Variants in OVCH1 observed in about 807,000 individuals in gnomAD.
OVCH1 encodes ovochymase-1.
OVCH1 carries 139 observed loss-of-function variants against 138.4 expected under a neutral mutation model. The ratio of observed to expected loss-of-function variants is 1.00; its 90% CI spans 0.87 to 1.16. The LOEUF is 1.16. OVCH1 is among the 50% of genes most tolerant of loss of function. The pLI is 0.00. For synonymous variants in OVCH1, 453 were observed against 467.8 expected (o/e 0.97, Z 0.41); for missense variants, 1,367 against 1,357.9 (o/e 1.01, Z -0.11).
chr12:29,435,930 T>A (rs1229687939), intron 26 of OVCH1, among the ~76,000 whole-genome samples: 1 of 152,190 alleles, frequency 6.6e-6, no homozygotes, highest in Non-Finnish European at 1.5e-5. Flanking sequence ...CTGGGAAAAA[T>A]TTAGAGAATT....
chr12:29,419,072 G>A (rs1941068688), intron 3 of OVCH1, among the ~76,000 whole-genome samples: 1 of 151,994 alleles, frequency 6.6e-6, no homozygotes, highest in African/African-American at 2.4e-5. Flanking sequence ...TGCCCAGGCT[G>A]ATCTCAAACT....
chr12:29,467,451 G>A (rs959439896), intron 16 of OVCH1, among the ~76,000 whole-genome samples: 2 of 152,048 alleles, frequency 1.3e-5, no homozygotes, highest in African/African-American at 4.8e-5. Flanking sequence ...CATAGCTCAA[G>A]GTATCAATTG....
chr12:29,438,440 G>A (rs1220997760), intron 26 of OVCH1, among the ~76,000 whole-genome samples: 1 of 148,004 alleles, frequency 6.8e-6, no homozygotes, highest in Non-Finnish European at 1.5e-5. Flanking sequence ...ATAAACTTCG[G>A]AGTTAATTTC....
At chr12:29,413,669 TACAC>T (rs3064302) in intron 3 of OVCH1, among the ~76,000 whole-genome samples, 144 of 150,918 alleles carry the variant, frequency 9.5e-4, no homozygotes, top group African/African-American at 3.4e-3. Flanking sequence ...ATTACACACA[TACAC>T]ACACACACAC....
At chr12:29,468,991 T>A (rs1268547259) in intron 16 of OVCH1, among the ~76,000 whole-genome samples, 1 of 152,008 alleles carries the variant, frequency 6.6e-6, no homozygotes, top group Non-Finnish European at 1.5e-5. Flanking sequence ...AGACCTAGAG[T>A]ATCTTGCAGT....
At chr12:29,481,441 G>C (rs952464706) in intron 8 of OVCH1, among the ~76,000 whole-genome samples, 3 of 151,996 alleles carry the variant, frequency 2.0e-5, no homozygotes, top group African/African-American at 7.2e-5. Flanking sequence ...CCTTACTTTA[G>C]TCCCTATAAA....
intron 14 of OVCH1, 48 bp from the exon 15 acceptor site, chr12:29,473,151 T>C: frequency 1.5e-6 from 2 of 1,342,596 alleles, no homozygotes; most frequent in Non-Finnish European, 2.1e-6. Flanking sequence ...GAAGTTGCAC[T>C]AACTGACCCC....
At chr12:29,438,074 CTTA>C (rs1174021268) in intron 26 of OVCH1, among the ~76,000 whole-genome samples, 4 of 152,104 alleles carry the variant, frequency 2.6e-5, no homozygotes, top group Admixed American at 6.6e-5. Flanking sequence ...TACACAGGAA[CTTA>C]TTAATTTGTT....
intron 3 of OVCH1, among the ~76,000 whole-genome samples, chr12:29,415,086 CT>C (rs1384887125): frequency 1.3e-5 from 2 of 152,140 alleles, no homozygotes; most frequent in African/African-American, 4.8e-5. Context: ...ATCTCTCACT[CT>C]TCCCAGTGGA....
At chr12:29,412,850 A>G (rs527695569) in intron 3 of OVCH1, 2 of 152,318 alleles carry the variant, frequency 1.3e-5, no homozygotes, top group South Asian at 4.2e-4. Flanking sequence ...ACTTAACAGT[A>G]ACCCCTACTC....
chr12:29,454,702 CTTTCAGCTA>C, intron 21 of OVCH1, 130 bp downstream of exon 21: 1 of 688,768 alleles, frequency 1.5e-6, no homozygotes, highest in Non-Finnish European at 2.4e-6. Flanking sequence ...ACTCTCCCCA[CTTTCAGCTA>C]AAACTACCAA....
At chr12:29,479,020 C>A in intron 8 of OVCH1, 52 bp from the exon 10 acceptor site, 1 of 638,628 alleles carries the variant, frequency 1.6e-6, no homozygotes, top group Non-Finnish European at 2.4e-6. Context: ...GTCAGATTTG[C>A]TAAATAAAAT....
chr12:29,491,915 C>T (rs1471525022), intron 4 of OVCH1, among the ~76,000 whole-genome samples: 2 of 152,126 alleles, frequency 1.3e-5, no homozygotes, highest in Non-Finnish European at 2.9e-5. Context: ...ACGTGGCAAG[C>T]ACTCTTTTAG....
At chr12:29,467,060 G>C (rs1942345178) in intron 16 of OVCH1, among the ~76,000 whole-genome samples, 1 of 152,038 alleles carries the variant, frequency 6.6e-6, no homozygotes, top group Non-Finnish European at 1.5e-5. Flanking sequence ...TTTATTAACG[G>C]AGCTAACTCA....
At chr12:29,409,777 A>G (rs1940928805), downstream of OVCH1, among the ~76,000 whole-genome samples, 1 of 152,148 alleles carries the variant, frequency 6.6e-6, no homozygotes, top group South Asian at 2.1e-4. Context: ...AAAAAAATGT[A>G]TATTCTGTTG....
At chr12:29,417,344 T>C (rs1941042739) in intron 3 of OVCH1, among the ~76,000 whole-genome samples, 1 of 151,240 alleles carries the variant, frequency 6.6e-6, no homozygotes, top group Admixed American at 6.6e-5. Flanking sequence ...GCACCTGTAG[T>C]CTCAGCTACT....
chr12:29,475,301 T>TG (rs1942667083), intron 13 of OVCH1, 112 bp from the exon 14 acceptor site: 7 of 771,508 alleles, frequency 9.1e-6, no homozygotes, highest in Non-Finnish European at 1.4e-5. Flanking sequence ...TCTCCAACTT[T>TG]GATTTGTATG....
intron 26 of OVCH1, among the ~76,000 whole-genome samples, chr12:29,435,809 C>G (rs1941348758): frequency 6.6e-6 from 1 of 152,134 alleles, no homozygotes; most frequent in South Asian, 2.1e-4. Context: ...TGTCATGAAG[C>G]TCCCTGTAAC....
chr12:29,429,149 T>C (rs1941227380), intron 27 of OVCH1, among the ~76,000 whole-genome samples: 2 of 152,196 alleles, frequency 1.3e-5, no homozygotes, highest in African/African-American at 4.8e-5. Flanking sequence ...ATCTATATTA[T>C]GAGTATAAAA....
Sources: allele counts gnomAD v4.1 joint callset (sites outside exome capture counted in the v4.1 genomes callset), GRCh38; gene constraint gnomAD v4.1.1; transcripts MANE v1.5; gene names NCBI Gene and HGNC (gene_info 2026-07-23, HGNC 2026-07-21).